Variants in ANXA3 observed in about 807,000 individuals in gnomAD.
ANXA3 encodes annexin A3.
In ANXA3, 46 loss-of-function variants were observed where a neutral mutation model predicts 48.8. The ratio of observed to expected loss-of-function variants is 0.94; its 90% confidence interval spans 0.74 to 1.21. The LOEUF (loss-of-function observed/expected upper bound fraction) is 1.21. Ranked by LOEUF, ANXA3 falls within the 50% of genes most tolerant of loss-of-function variation. The probability of loss-of-function intolerance (pLI) is 0.00; values close to 1 mark genes in which losing one functional copy is unlikely to be tolerated. For missense variants in ANXA3, 383 were observed against 378.6 expected (o/e 1.01, Z -0.10); for synonymous variants, 128 against 134.7 (o/e 0.95, Z 0.35).
intron 2 of ANXA3, among the ~76,000 whole-genome samples, chr4:78,559,174 G>A (rs1361368913): frequency 6.6e-6 from 1 of 151,836 alleles, no homozygotes; most frequent in African/African-American, 2.4e-5. Context: ...CAACCTCCTG[G>A]GCTCAAGCGA....
At chr4:78,555,636 C>T (rs982889224) in intron 2 of ANXA3, among the ~76,000 whole-genome samples, 2 of 150,288 alleles carry the variant, frequency 1.3e-5, no homozygotes, top group African/African-American at 4.9e-5. Flanking sequence ...CCCAGAAGTT[C>T]GAGACCAGCA....
Position 78,565,730 on chromosome 4 carries a change from G to A in ANXA3, c.16-7450G>A, listed in dbSNP as rs532332936. ...TCTTTTTTCTCCTCTATAAAATCACGGTATTAATTGTACCTACCTCATAGG... is the reference window on the plus strand; with the variant it reads ...TCTTTTTTCTCCTCTATAAAATCACAGTATTAATTGTACCTACCTCATAGG... On this transcript the variant is annotated intron_variant, in intron 2 of 12. Coordinates refer to ENST00000264908, the MANE Select transcript of ANXA3 (RefSeq NM_005139.3). Among the ~76,000 whole-genome samples, 22 of 152,174 alleles carry A rather than the reference G, an allele frequency of 1.4e-4. No individual in the cohort carries two copies. The East Asian group carries it at 2.5e-3, about 17-fold the overall frequency.
intron 3 of ANXA3, 94 bp from the exon 4 acceptor site, chr4:78,578,933 C>G (rs764454198): frequency 1.2e-4 from 68 of 554,042 alleles, no homozygotes; most frequent in Non-Finnish European, 1.9e-4. Flanking sequence ...ATGCCTTACT[C>G]TCTGCATTTG....
chr4:78,575,946 A>G (rs1281914724), intron 3 of ANXA3, among the ~76,000 whole-genome samples: 2 of 152,108 alleles, frequency 1.3e-5, no homozygotes, highest in Non-Finnish European at 2.9e-5. Context: ...TGGACATTTA[A>G]TTGTCCCAGA....
intron 7 of ANXA3, among the ~76,000 whole-genome samples, chr4:78,592,113 A>AT (rs1364431523): frequency 6.6e-6 from 1 of 152,182 alleles, no homozygotes; most frequent in Non-Finnish European, 1.5e-5. Flanking sequence ...GATTGCTGCA[A>AT]TTTCAGCCTT....
chr4:78,594,952 A>G (rs747643189), intron 7 of ANXA3, among the ~76,000 whole-genome samples: 4 of 152,122 alleles, frequency 2.6e-5, no homozygotes, highest in South Asian at 2.1e-4. Flanking sequence ...TGGGCAACAT[A>G]GCGAGATCCC....
intron 6 of ANXA3, among the ~76,000 whole-genome samples, chr4:78,588,488 A>C (rs1032941837): frequency 6.6e-6 from 1 of 152,224 alleles, no homozygotes; most frequent in Non-Finnish European, 1.5e-5. Context: ...CCCAGACCTG[A>C]GACAACAAAG....
At chr4:78,562,594 A>G (rs1276700348) in intron 2 of ANXA3, among the ~76,000 whole-genome samples, 1 of 152,114 alleles carries the variant, frequency 6.6e-6, no homozygotes, top group Non-Finnish European at 1.5e-5. Context: ...CACTCAACTA[A>G]TATTTACTAA....
At chr4:78,605,433 C>T (rs1351572011) in intron 12 of ANXA3, among the ~76,000 whole-genome samples, 2 of 152,126 alleles carry the variant, frequency 1.3e-5, no homozygotes, top group Admixed American at 6.5e-5. Flanking sequence ...TTTTTACATT[C>T]TTTGTCCACA....
At chr4:78,601,737 A>G (rs1723547330) in intron 11 of ANXA3, 169 bp downstream of exon 11, 2 of 519,882 alleles carry the variant, frequency 3.8e-6, no homozygotes, top group Non-Finnish European at 6.7e-6. Flanking sequence ...CTCTTTACAC[A>G]GACACCTGAT....
In ANXA3 at chr4:78,579,057, T is replaced by C; in HGVS notation, c.134T>C (p.Leu45Pro). The C allele has an allele frequency of 6.2e-7, 1 of 1,612,636 alleles. No individual in the cohort carries two copies. Among genetic ancestry groups the C allele is most frequent in the Non-Finnish European group, 8.5e-7 (1 of 1,178,722 alleles). Reference protein sequence around the residue: ...GTDEKMLISILTERSNAQRQL... With the variant: ...GTDEKMLISIPTERSNAQRQL... ...GATGAGAAAATGCTCATCAGCATTC[T>C]GACTGAGAGGTCAAATGCACAGCGG... The change falls in exon 4 of 13, where the codon CTG becomes CCG. Residue 45 changes from leucine to proline, a missense_variant. Coordinates refer to ENST00000264908, the MANE Select transcript of ANXA3 (RefSeq NM_005139.3).
intron 5 of ANXA3, among the ~76,000 whole-genome samples, chr4:78,584,041 C>T (rs879818980): frequency 1.3e-5 from 2 of 152,190 alleles, no homozygotes; most frequent in African/African-American, 4.8e-5. Flanking sequence ...GCTCCTTGAA[C>T]ATCATAAGCT....
chr4:78,604,243 C>T (rs1283805714), intron 11 of ANXA3, 34 bp from the exon 12 acceptor site: 2 of 1,571,348 alleles, frequency 1.3e-6, no homozygotes, highest in African/African-American at 2.7e-5. Context: ...TGACCAATGA[C>T]ATTTGTGTTG....
intron 2 of ANXA3, among the ~76,000 whole-genome samples, chr4:78,570,419 T>C (rs561132606): frequency 9.2e-5 from 14 of 152,360 alleles, no homozygotes; most frequent in South Asian, 6.2e-4. Flanking sequence ...TGTCTTTTTA[T>C]ATTTAGAATC....
chr4:78,578,985 T>A (rs372470961), intron 3 of ANXA3, 42 bp from the exon 4 acceptor site: 39 of 1,360,786 alleles, frequency 2.9e-5, no homozygotes, highest in Admixed American at 2.0e-4. Flanking sequence ...AAGACAAATG[T>A]TGAGCATAAA....
intron 2 of ANXA3, among the ~76,000 whole-genome samples, chr4:78,569,127 A>C (rs1182953698): frequency 1.3e-5 from 2 of 152,190 alleles, no homozygotes; most frequent in African/African-American, 4.8e-5. Context: ...CCCTTTATCT[A>C]GACATTCTTT....
At chr4:78,595,535 C>CTTTTTTTT in intron 8 of ANXA3, 98 bp downstream of exon 8, 1 of 1,247,798 alleles carries the variant, frequency 8.0e-7, no homozygotes, top group African/African-American at 1.9e-5. Context: ...GCAACAGGGA[C>CTTTTTTTT]TTTTCTTTTT....
chr4:78,581,616 T>C (rs187744275), intron 4 of ANXA3, among the ~76,000 whole-genome samples: 79 of 152,370 alleles, frequency 5.2e-4, no homozygotes, highest in African/African-American at 1.8e-3. Flanking sequence ...AGTACAATTA[T>C]TATTTGTCAG....
At chr4:78,562,824 G>A (rs759476347) in intron 2 of ANXA3, among the ~76,000 whole-genome samples, 2 of 152,196 alleles carry the variant, frequency 1.3e-5, no homozygotes, top group Non-Finnish European at 2.9e-5. Context: ...AGAAGTCAAC[G>A]TGGCATGAGA....
Sources: gnomAD v4.1 joint callset for allele counts (sites outside exome capture counted in the v4.1 genomes callset) on GRCh38, gnomAD v4.1.1 for gene constraint, MANE v1.5 for transcripts, NCBI Gene and HGNC (gene_info 2026-07-23, HGNC 2026-07-21) for gene names.